Variants in PKIB observed in about 807,000 individuals in gnomAD.
PKIB encodes the protein PKI-beta.
In PKIB, 2 loss-of-function variants were observed where a neutral mutation model predicts 4.5. The observed-to-expected ratio is 0.44, with a 90% CI of 0.18 to 1.39. PKIB has a LOEUF of 1.39. Ranked by LOEUF, PKIB falls within the 40% of genes most tolerant of loss-of-function variation. PKIB has a pLI of 0.27. For missense variants in PKIB, 94 were observed against 92.6 expected (o/e 1.02, Z -0.06); for synonymous variants, 38 against 36.0 (o/e 1.06, Z -0.20).
intron 2 of PKIB, among the ~76,000 whole-genome samples, chr6:122,488,814 T>C (rs1428153958): frequency 6.6e-6 from 1 of 152,220 alleles, no homozygotes; most frequent in Non-Finnish European, 1.5e-5. Context: ...AAAATGTCTG[T>C]CACTCACATA....
rs534925294 is a variant in PKIB, at chr6:122,568,931, G to A, written c.-247-16990G>A. ...TGGATCTTAACCCAGTGCTGTTAGT[G>A]GAGCACTGTGGGAGTGAGATTGGCC... On this transcript the variant is annotated intron_variant, in intron 2 of 6. Coordinates refer to the PKIB transcript ENST00000392491. Among the ~76,000 whole-genome samples the A allele has an allele frequency of 3.3e-5, 5 of 152,148 alleles. No homozygotes were observed. The South Asian group carries it at 8.3e-4, about 25-fold the overall frequency.
intron 2 of PKIB, among the ~76,000 whole-genome samples, chr6:122,491,915 C>T (rs1484786969): frequency 1.3e-5 from 2 of 152,162 alleles, no homozygotes; most frequent in African/African-American, 4.8e-5. Context: ...TTTTTACAGT[C>T]AGCAAATTTT....
chr6:122,599,937 TAGTC>T (rs1157467721), intron 3 of PKIB, among the ~76,000 whole-genome samples: 1 of 152,138 alleles, frequency 6.6e-6, no homozygotes, highest in Admixed American at 6.5e-5. Flanking sequence ...AAATCTGTAT[TAGTC>T]AGGGTTATTT....
At chr6:122,720,650 CT>C (rs1444655274) in intron 4 of PKIB, among the ~76,000 whole-genome samples, 1 of 151,830 alleles carries the variant, frequency 6.6e-6, no homozygotes, top group Non-Finnish European at 1.5e-5. Flanking sequence ...ATATATAGGT[CT>C]GGTGGATCAG....
chr6:122,483,983 C>T (rs1775693462), intron 2 of PKIB: 1 of 152,120 alleles, frequency 6.6e-6, no homozygotes, highest in Admixed American at 6.5e-5. Flanking sequence ...CCTACCATAG[C>T]TAGGATAGAA....
chr6:122,628,379 T>A (rs1304081477), intron 1 of PKIB, among the ~76,000 whole-genome samples: 1 of 152,234 alleles, frequency 6.6e-6, no homozygotes, highest in African/African-American at 2.4e-5. Context: ...TTGCCATGTC[T>A]TATGATTACA....
chr6:122,499,953 C>A (rs1212810325), intron 2 of PKIB, among the ~76,000 whole-genome samples: 1 of 151,970 alleles, frequency 6.6e-6, no homozygotes. Context: ...TTTACAATAG[C>A]CACATAAAAA....
chr6:122,597,866 C>T (rs957304661), intron 3 of PKIB, among the ~76,000 whole-genome samples: 1 of 152,100 alleles, frequency 6.6e-6, no homozygotes, highest in Non-Finnish European at 1.5e-5. Flanking sequence ...GTAAGCTGGA[C>T]CTGAGCTAAA....
At chr6:122,596,940 TG>T (rs1774198576) in intron 3 of PKIB, among the ~76,000 whole-genome samples, 1 of 152,330 alleles carries the variant, frequency 6.6e-6, no homozygotes, top group South Asian at 2.1e-4. Context: ...AAATGAGGAA[TG>T]TGTTACTTTC....
intron 2 of PKIB, among the ~76,000 whole-genome samples, chr6:122,536,363 A>G (rs1388203086): frequency 6.6e-6 from 1 of 152,358 alleles, no homozygotes; most frequent in East Asian, 1.9e-4. Context: ...ATCAAATATA[A>G]TTGGTAATCA....
intron 2 of PKIB, among the ~76,000 whole-genome samples, chr6:122,574,285 A>G (rs1773465393): frequency 1.3e-5 from 2 of 152,314 alleles, no homozygotes; most frequent in South Asian, 4.1e-4. Context: ...ATGGAAACAC[A>G]TCTCCTGCTC....
intron 2 of PKIB, among the ~76,000 whole-genome samples, chr6:122,499,686 C>T (rs899446195): frequency 6.6e-5 from 10 of 152,120 alleles, no homozygotes; most frequent in African/African-American, 1.4e-4. Context: ...TCCTATTCAA[C>T]GTAGTACTGG....
At chr6:122,609,425 A>T (rs544464576), upstream of PKIB, among the ~76,000 whole-genome samples, 42 of 152,364 alleles carry the variant, frequency 2.8e-4, no homozygotes, top group South Asian at 5.2e-3. Flanking sequence ...ACTTGATTGT[A>T]CTACCATTAG....
chr6:122,569,356 C>T (rs372009975), intron 2 of PKIB, among the ~76,000 whole-genome samples: 59 of 152,290 alleles, frequency 3.9e-4, no homozygotes, highest in African/African-American at 1.3e-3. Context: ...GGAGGCCAAC[C>T]AAAACAGTCC....
chr6:122,557,616 A>T (rs903592119), intron 2 of PKIB, among the ~76,000 whole-genome samples: 2 of 152,114 alleles, frequency 1.3e-5, no homozygotes, highest in Non-Finnish European at 2.9e-5. Context: ...CTTCTTCCCA[A>T]CTCTTGGCCC....
chr6:122,586,735 T>C (rs1773859520), intron 3 of PKIB, among the ~76,000 whole-genome samples: 1 of 152,126 alleles, frequency 6.6e-6, no homozygotes, highest in Admixed American at 6.6e-5. Context: ...AGGGCTTATG[T>C]TTAGGCAGAC....
At chr6:122,611,948 T>C (rs1774778110) in intron 1 of PKIB, among the ~76,000 whole-genome samples, 1 of 152,218 alleles carries the variant, frequency 6.6e-6, no homozygotes, top group Non-Finnish European at 1.5e-5. Flanking sequence ...AAGGAAAGTA[T>C]AGCTTTGGAA....
At chr6:122,708,033 T>G (rs947582293) in intron 3 of PKIB, among the ~76,000 whole-genome samples, 1 of 152,230 alleles carries the variant, frequency 6.6e-6, no homozygotes, top group Non-Finnish European at 1.5e-5. Context: ...GAATCAGGCA[T>G]GGCTTTTGGT....
chr6:122,610,000 T>C (rs1288190026), upstream of PKIB, among the ~76,000 whole-genome samples: 1 of 152,080 alleles, frequency 6.6e-6, no homozygotes, highest in Non-Finnish European at 1.5e-5. Context: ...GCACAAACCC[T>C]GCTCAGGGCG....
Sources: gnomAD v4.1 joint callset for allele counts (sites outside exome capture counted in the v4.1 genomes callset) on GRCh38, gnomAD v4.1.1 for gene constraint, MANE v1.5 for transcripts, NCBI Gene and HGNC (gene_info 2026-07-23, HGNC 2026-07-21) for gene names.